The following MAP2K5 variants were observed in gnomAD, a reference collection of about 807,000 sequenced individuals.
MAP2K5 encodes the protein mitogen-activated protein kinase kinase 5.
Under a neutral mutation model 83.1 loss-of-function variants are expected in MAP2K5, and 49 were observed. The observed-to-expected ratio is 0.59, with a 90% CI of 0.47 to 0.75. MAP2K5 has a LOEUF of 0.75. Among genes scored for constraint, MAP2K5 ranks in the 30% least tolerant of loss-of-function variants. MAP2K5 has a pLI of 0.00. For synonymous variants in MAP2K5, 202 were observed against 191.8 expected (o/e 1.05, Z -0.44); for missense variants, 457 against 557.5 (o/e 0.82, Z 1.82).
chr15:67,547,827 C>T (rs772362451), intron 1 of MAP2K5, among the ~76,000 whole-genome samples: 2 of 152,150 alleles, frequency 1.3e-5, no homozygotes, highest in Non-Finnish European at 2.9e-5. Flanking sequence ...AAGAAGGCCG[C>T]TTGGAAATAA....
rs925024612 is a variant in MAP2K5, at chr15:67,559,515, T to A, written c.185-3768T>A. 6.6e-6 allele frequency among the ~76,000 whole-genome samples: 1 copy of A among 152,218 alleles called. No homozygotes were observed. The highest frequency in any genetic ancestry group is 1.5e-5 in the Non-Finnish European group (1 of 68,040). On this transcript the variant is annotated intron_variant, in intron 2 of 21. Transcript: ENST00000178640. The surrounding 1 kb of genome is among the most constrained non-coding windows in gnomAD (Gnocchi z 4.7). ...CTAACAACATATGGCCTGTTATGATTCTCTTTTCCCAAACTCTGCCATTTT... is the reference window on the plus strand; with the variant it reads ...CTAACAACATATGGCCTGTTATGATACTCTTTTCCCAAACTCTGCCATTTT...
chr15:67,665,511 A>G lies in MAP2K5; in HGVS notation c.847+866A>G, dbSNP rs1460766099. 6.6e-6 allele frequency among the ~76,000 whole-genome samples: 1 copy of G among 152,238 alleles called. No individual in the cohort carries two copies. Among genetic ancestry groups the G allele is most frequent in the African/African-American group, 2.4e-5 (1 of 41,468 alleles). ...AAGGAAAGTTTTTTCTTTTAAGGAT[A>G]TAAACTGTGAGATGGAGAAAACAAC... On this transcript the variant is annotated intron_variant, in intron 13 of 21. Coordinates refer to ENST00000178640, the MANE Select transcript of MAP2K5 (RefSeq NM_145160.3). This position sits in a 1 kb window ranked among gnomAD's most constrained non-coding sequence, Gnocchi z 4.2.
At chr15:67,590,094 T>C (rs949310046) in intron 6 of MAP2K5, among the ~76,000 whole-genome samples, 1 of 152,162 alleles carries the variant, frequency 6.6e-6, no homozygotes, top group Non-Finnish European at 1.5e-5. Context: ...ATTGCCACTT[T>C]AGTGCATCGA....
rs567485591 is a variant in MAP2K5, at chr15:67,685,011, G to T, written c.848-7468G>T. Among the ~76,000 whole-genome samples, 4 of 152,144 alleles carry T rather than the reference G, an allele frequency of 2.6e-5. No homozygotes were observed. The South Asian group carries it at 8.3e-4, about 32-fold the overall frequency. ...GTTAAGTGGAGTCTCAAAAGAAGAG[G>T]AAAGAGAAAAGGAAACAAAAAATAA... On this transcript the variant is annotated intron_variant, in intron 13 of 21. Transcript: ENST00000178640.
rs549855097 is a variant in MAP2K5 at position 67,717,841 on chromosome 15, T to C, written c.1045-10075T>C. Reference sequence around the variant, plus strand: ...TGGTGCCTGGTGTTCTAAGCTGTGATTGCAAAAGCTACAGATCTGTTAAGG... The same window carrying C: ...TGGTGCCTGGTGTTCTAAGCTGTGACTGCAAAAGCTACAGATCTGTTAAGG... On this transcript the variant is annotated intron_variant, in intron 16 of 21. Coordinates refer to ENST00000178640, the MANE Select transcript of MAP2K5 (RefSeq NM_145160.3). The surrounding 1 kb of genome is among the most constrained non-coding windows in gnomAD (Gnocchi z 4.1). Among the ~76,000 whole-genome samples, 1 of 152,310 alleles carries C rather than the reference T, an allele frequency of 6.6e-6. No individual in the cohort carries two copies. The highest frequency in any genetic ancestry group is 2.4e-5 in the African/African-American group (1 of 41,562).
In MAP2K5 at chr15:67,559,187, CAGT is replaced by C. The variant is rs1052572234; in HGVS notation, c.185-4092_185-4090del. ...CTCTTACCTGGGAAAAGTGCCTTTG[CAGT>C]AGTTCTAATTGCCACCTGGCACAGA... On this transcript the variant is annotated intron_variant, in intron 2 of 21. Transcript: ENST00000178640. The surrounding 1 kb of genome is among the most constrained non-coding windows in gnomAD (Gnocchi z 4.7). 1.3e-5 allele frequency among the ~76,000 whole-genome samples: 2 copies of C among 152,204 alleles called. No individual in the cohort carries two copies. The highest frequency in any genetic ancestry group is 2.9e-5 in the Non-Finnish European group (2 of 68,042).
chr15:67,799,795 C>T (rs1180535464), intron 21 of MAP2K5, among the ~76,000 whole-genome samples: 2 of 152,210 alleles, frequency 1.3e-5, no homozygotes, highest in Non-Finnish European at 2.9e-5. Context: ...AGCAGCAGTA[C>T]TTCCATATAG....
intron 16 of MAP2K5, among the ~76,000 whole-genome samples, chr15:67,716,932 C>T (rs1943352342): frequency 6.6e-6 from 1 of 152,198 alleles, no homozygotes; most frequent in Non-Finnish European, 1.5e-5. Context: ...TTATAAGCAT[C>T]AAAGTTCCCA....
At chr15:67,614,434 C>T (rs545534190) in intron 8 of MAP2K5, among the ~76,000 whole-genome samples, 4 of 152,278 alleles carry the variant, frequency 2.6e-5, no homozygotes, top group African/African-American at 7.2e-5. Flanking sequence ...ATGGTTATCA[C>T]GTTGTTTCAA....
At chr15:67,687,447 G>A (rs375522659) in intron 13 of MAP2K5, among the ~76,000 whole-genome samples, 3 of 152,120 alleles carry the variant, frequency 2.0e-5, no homozygotes, top group Non-Finnish European at 2.9e-5. Context: ...TCCTAAAATC[G>A]CATGAACAGT....
intron 16 of MAP2K5, 57 bp downstream of exon 16, chr15:67,703,465 G>A: frequency 7.3e-7 from 1 of 1,371,238 alleles, no homozygotes; most frequent in Non-Finnish European, 1.0e-6. Flanking sequence ...TATTCAATCA[G>A]GAAAAGTGAA....
chr15:67,646,334 C>A, intron 10 of MAP2K5, 35 bp downstream of exon 10: 1 of 1,384,732 alleles, frequency 7.2e-7, no homozygotes, highest in Non-Finnish European at 1.0e-6. Flanking sequence ...GTAAAGCATG[C>A]CTATGGTATT....
At chr15:67,733,000 A>G (rs1402657614) in intron 17 of MAP2K5, among the ~76,000 whole-genome samples, 1 of 152,160 alleles carries the variant, frequency 6.6e-6, no homozygotes, top group Non-Finnish European at 1.5e-5. Flanking sequence ...CTGTACTCAC[A>G]CCTTACATTT....
In MAP2K5 at chr15:67,702,521, T is replaced by C. The variant is rs903221578; in HGVS notation, c.973-816T>C. ...CTTTGTGAGACCTCCGTTTCTCTTATTCATTTGTTCACGTGTTCATTCCAA... is the reference window on the plus strand; with the variant it reads ...CTTTGTGAGACCTCCGTTTCTCTTACTCATTTGTTCACGTGTTCATTCCAA... On this transcript the variant is annotated intron_variant, in intron 15 of 21. Transcript: ENST00000178640. The surrounding 1 kb of genome is among the most constrained non-coding windows in gnomAD (Gnocchi z 4.6). Among the ~76,000 whole-genome samples the C allele has an allele frequency of 3.3e-5, 5 of 152,236 alleles. No homozygotes were observed. The highest frequency in any genetic ancestry group is 9.6e-5 in the African/African-American group (4 of 41,458).
chr15:67,768,293 A>G lies in MAP2K5; in HGVS notation c.1135-1309A>G, dbSNP rs765074760. On this transcript the variant is annotated intron_variant, in intron 19 of 21. Coordinates refer to ENST00000178640, the MANE Select transcript of MAP2K5 (RefSeq NM_145160.3). This position sits in a 1 kb window ranked among gnomAD's most constrained non-coding sequence, Gnocchi z 4.0. ...CATAGGAGGCTGTGCAATTGTATCT[A>G]TCTGCCACCATTGATAATGACACGC... Among the ~76,000 whole-genome samples the G allele has an allele frequency of 4.6e-5, 7 of 152,230 alleles. No homozygotes were observed. The highest frequency in any genetic ancestry group is 8.8e-5 in the Non-Finnish European group (6 of 68,038).
At position 67,640,991 on chromosome 15, in the gene MAP2K5, CTGTT is replaced by C. The variant is rs541524339; in HGVS notation, c.586-5233_586-5230del. On this transcript the variant is annotated intron_variant, in intron 9 of 21. Transcript: ENST00000178640. The surrounding 1 kb of genome is among the most constrained non-coding windows in gnomAD (Gnocchi z 4.6). Reference sequence around the variant, plus strand: ...ATGAAACGTGTTTCTACCTTTTTGTCTGTTTGTTTGGTGCAGGTAGTCAAGACAA... The same window carrying C: ...ATGAAACGTGTTTCTACCTTTTTGTCTGTTTGGTGCAGGTAGTCAAGACAA... Among the ~76,000 whole-genome samples the C allele has an allele frequency of 2.8e-4, 43 of 152,226 alleles. No individual in the cohort carries two copies. In the South Asian group the frequency reaches 3.7e-3, roughly 13 times the overall value.
At chr15:67,729,781 A>G (rs1277541956) in intron 17 of MAP2K5, among the ~76,000 whole-genome samples, 2 of 152,138 alleles carry the variant, frequency 1.3e-5, no homozygotes, top group African/African-American at 4.8e-5. Flanking sequence ...AAAAAAAGAA[A>G]TGGATTACTG....
rs147976689 is a variant in MAP2K5, at chr15:67,687,122, G to A, written c.848-5357G>A. Among the ~76,000 whole-genome samples, 471 of 152,242 alleles carry A rather than the reference G, an allele frequency of 3.1e-3. 21 individuals are homozygous for A. In the East Asian group the frequency reaches 0.078, roughly 25 times the overall value. On this transcript the variant is annotated intron_variant, in intron 13 of 21. Transcript: ENST00000178640. Reference sequence around the variant, plus strand: ...GCAGTAAAATTGATTTTTTTAATGAGATTTATTTCAAAAAGTAAAGTGAAA... The same window carrying A: ...GCAGTAAAATTGATTTTTTTAATGAAATTTATTTCAAAAAGTAAAGTGAAA...
chr15:67,654,289 T>C (rs1262883163), intron 11 of MAP2K5, among the ~76,000 whole-genome samples: 18 of 152,204 alleles, frequency 1.2e-4, no homozygotes, highest in African/African-American at 7.2e-5. Context: ...TGTCTTTGTC[T>C]CTAGTAACAA....
Sources: allele counts gnomAD v4.1 joint callset (sites outside exome capture counted in the v4.1 genomes callset), GRCh38; gene constraint gnomAD v4.1.1; non-coding constraint Gnocchi (gnomAD v3.1); transcripts MANE v1.5; gene names NCBI Gene and HGNC (gene_info 2026-07-23, HGNC 2026-07-21).